ADGRV1: variants seen among roughly 807,000 people sequenced by gnomAD.
ADGRV1 encodes the protein G-protein coupled receptor 98.
In ADGRV1, 359 loss-of-function variants were observed where a neutral mutation model predicts 596.2. The observed-to-expected ratio is 0.60, with a 90% CI of 0.55 to 0.66. ADGRV1 has a LOEUF of 0.66. Ranked by LOEUF, ADGRV1 falls within the 30% of genes least tolerant of loss-of-function variation. ADGRV1 has a pLI of 0.00. For missense variants in ADGRV1, 7,274 were observed against 7,575.6 expected, an observed-to-expected ratio of 0.96 and a Z score of 1.48; for synonymous variants, 2,681 against 2,679.2, an observed-to-expected ratio of 1.00 and a Z score of -0.02.
Position 90,853,453 on chromosome 5 carries a change from T to A in ADGRV1, c.17374T>A (p.Cys5792Ser). Residue 5792 changes from cysteine to serine, a missense_variant, in exon 80 of 90, where the codon TGT becomes AGT. Cys to Ser is a moderately radical substitution (Grantham distance 112). This residue lies in a region of ADGRV1 where 1,874 missense variants were observed against 1,970.2 expected (regional missense o/e 0.95). Coordinates refer to ENST00000405460, the MANE Select transcript of ADGRV1 (RefSeq NM_032119.4). ...DAEIMAGKST[C>S]KLVQFTEYSS... Reference sequence around the variant, plus strand: ...AGAAATAATGGCTGGGAAAAGTACATGTAAATTAGTCCAGTTTACAGAGTA... The same window carrying A: ...AGAAATAATGGCTGGGAAAAGTACAAGTAAATTAGTCCAGTTTACAGAGTA... 2 of 1,613,326 alleles carry A rather than the reference T, an allele frequency of 1.2e-6. No individual in the cohort carries two copies. Among genetic ancestry groups the A allele is most frequent in the Admixed American group, 1.7e-5 (1 of 59,928 alleles).
chr5:90,655,378 A>G (rs924602486), intron 20 of ADGRV1: 1 of 152,188 alleles, frequency 6.6e-6, no homozygotes, highest in East Asian at 1.9e-4. Context: ...TAGATATTTC[A>G]TGCTCATTAC....
intron 83 of ADGRV1, among the ~76,000 whole-genome samples, chr5:90,894,298 C>A (rs191101967): frequency 1.3e-5 from 2 of 152,252 alleles, no homozygotes; most frequent in Non-Finnish European, 2.9e-5. Flanking sequence ...TGTTCATTTT[C>A]ATTATTATTT....
intron 87 of ADGRV1, among the ~76,000 whole-genome samples, chr5:91,135,345 A>C (rs577229746): frequency 6.6e-6 from 1 of 152,272 alleles, no homozygotes; most frequent in East Asian, 1.9e-4. Flanking sequence ...CACAGAATTC[A>C]GCTTTTGTTG....
chr5:91,006,098 A>C (rs544394614), intron 85 of ADGRV1, among the ~76,000 whole-genome samples: 1 of 152,292 alleles, frequency 6.6e-6, no homozygotes, highest in Admixed American at 6.5e-5. Flanking sequence ...GAGCCACAGG[A>C]TAGACATCGC....
intron 83 of ADGRV1, among the ~76,000 whole-genome samples, chr5:90,874,533 A>G (rs2150513687): frequency 6.6e-6 from 1 of 151,984 alleles, no homozygotes; most frequent in East Asian, 1.9e-4. Flanking sequence ...GCACTCATAA[A>G]AAGCTTTTTG....
At chr5:90,626,163 A>C (rs908365501) in intron 6 of ADGRV1, 1 of 152,176 alleles carries the variant, frequency 6.6e-6, no homozygotes, top group Admixed American at 6.5e-5. Context: ...CCCTCCTACA[A>C]AAATTCTGAA....
chr5:90,678,165 A>G (rs981934291), intron 25 of ADGRV1, among the ~76,000 whole-genome samples: 24 of 152,198 alleles, frequency 1.6e-4, no homozygotes, highest in Non-Finnish European at 2.1e-4. Flanking sequence ...TGTCTGGTAT[A>G]TTCCCATCCT....
At position 90,654,238 on chromosome 5, in the gene ADGRV1, TA is replaced by T. The variant is rs1580611106; in HGVS notation, c.4378+287del. 7.5e-6 allele frequency: 3 copies of T among 397,988 alleles called. No individual in the cohort carries two copies. In the East Asian group the frequency reaches 1.6e-4, roughly 21 times the overall value. The allele number at this position is 397,988 out of a possible 1,614,324, so 24.7% of individuals were successfully genotyped here. On this transcript the variant is annotated intron_variant, in intron 20 of 89. Coordinates refer to ENST00000405460, the MANE Select transcript of ADGRV1 (RefSeq NM_032119.4). ...CACCCTGTAGGAAGACAGAAAAAAA[TA>T]TGAAAGAGGAATGTTTGTCCTTCTG... is the stretch of plus-strand genomic sequence containing the variant.
At chr5:90,895,969 C>G (rs1247042744) in intron 83 of ADGRV1, among the ~76,000 whole-genome samples, 5 of 150,306 alleles carry the variant, frequency 3.3e-5, no homozygotes, top group Non-Finnish European at 5.9e-5. Flanking sequence ...AAGATGTGCT[C>G]TATTCTGTTT....
chr5:90,564,748 T>A (rs1324099543), intron 1 of ADGRV1, among the ~76,000 whole-genome samples: 24 of 86,598 alleles, frequency 2.8e-4, no homozygotes, highest in African/African-American at 1.5e-3. Flanking sequence ...TGCCTCAGCC[T>A]CCCGAGTAGC....
In ADGRV1 at chr5:90,791,261, C is replaced by T. The variant is rs201747452; in HGVS notation, c.14432C>T (p.Pro4811Leu). The T allele has an allele frequency of 2.8e-5, 45 of 1,609,590 alleles. No homozygotes were observed. The Middle Eastern group carries it at 6.6e-4, about 24-fold the overall frequency. ...LRISSDHKEQPIVTENAERQL... is the reference protein window; with the variant it reads ...LRISSDHKEQLIVTENAERQL... ...ATATCATCGGATCATAAAGAACAGC[C>T]GATTGTTACCGAAAATGCAGAGAGG... is the stretch of plus-strand genomic sequence containing the variant. The change falls in exon 70 of 90, where the codon CCG (proline) becomes CTG (leucine). Residue 4811 changes from proline to leucine, a missense_variant. Coordinates refer to ENST00000405460, the MANE Select transcript of ADGRV1 (RefSeq NM_032119.4).
rs188928493 is a variant in ADGRV1 at position 91,041,324 on chromosome 5, A to G, written c.18153-31123A>G. ...TGCAGCCATAAAAAAGGATGAGTTC[A>G]TGTCCTTTGCAGGGACATGGATGAA... On this transcript the variant is annotated intron_variant, in intron 85 of 89. Transcript: ENST00000405460. Among the ~76,000 whole-genome samples, 1,460 of 152,290 alleles carry G rather than the reference A, an allele frequency of 9.6e-3. 20 individuals are homozygous for G. The highest frequency in any genetic ancestry group is 0.033 in the African/African-American group (1,387 of 41,546).
At position 90,657,808 on chromosome 5, in the gene ADGRV1, T is replaced by C. The variant is rs191845360; in HGVS notation, c.4379-97T>C. On this transcript the variant is annotated intron_variant, in intron 20 of 89. Coordinates refer to ENST00000405460, the MANE Select transcript of ADGRV1 (RefSeq NM_032119.4). Reference sequence around the variant, plus strand: ...CAAAAGTTTCATTTATCCAAAAATATCTTTCAGTAAAATTGTCTTACTTTC... The same window carrying C: ...CAAAAGTTTCATTTATCCAAAAATACCTTTCAGTAAAATTGTCTTACTTTC... 1.4e-3 allele frequency: 1,786 copies of C among 1,289,346 alleles called. 4 individuals are homozygous for C. The highest frequency in any genetic ancestry group is 4.2e-3 in the Middle Eastern group (21 of 5,022). The allele number at this position is 1,289,346 out of a possible 1,614,324, so 79.9% of individuals were successfully genotyped here.
intron 85 of ADGRV1, among the ~76,000 whole-genome samples, chr5:91,040,826 A>G (rs1353102652): frequency 6.6e-6 from 1 of 152,214 alleles, no homozygotes; most frequent in African/African-American, 2.4e-5. Context: ...TATACTGAAT[A>G]CAAAGGACAA....
chr5:90,876,514 C>T (rs6861214), intron 83 of ADGRV1, among the ~76,000 whole-genome samples: 30,557 of 152,008 alleles, frequency 0.2, 5,140 homozygotes, highest in African/African-American at 0.45. Flanking sequence ...CAGTGTTTTA[C>T]CATTTATTGT....
intron 83 of ADGRV1, among the ~76,000 whole-genome samples, chr5:90,891,649 C>A (rs1218290791): frequency 6.6e-6 from 1 of 151,706 alleles, no homozygotes; most frequent in Non-Finnish European, 1.5e-5. Flanking sequence ...TGTTTTACTA[C>A]AAAATTAATT....
chr5:90,689,954 C>T lies in ADGRV1; in HGVS notation c.6584C>T (p.Pro2195Leu), dbSNP rs749829829. 1 of 1,611,826 alleles carries T rather than the reference C, an allele frequency of 6.2e-7. No homozygotes were observed. Among genetic ancestry groups the T allele is most frequent in the African/African-American group, 1.3e-5 (1 of 74,886 alleles). ...ATATATGTCATTAATGATATCTATC[C>T]TGAACTGGAAGAATCTTTTCTTGTG... ...VPIYVINDIY[P>L]ELEESFLVQL... The change falls in exon 30 of 90, where the codon CCT becomes CTT. Residue 2195 changes from proline to leucine, a missense_variant. Around this residue, in one of 5 missense-constraint regions of ADGRV1, gnomAD observed 3,643 missense variants for 3,809.2 expected, o/e 0.96. Transcript: ENST00000405460.
At chr5:90,690,227 T>C (rs1253758101) in intron 30 of ADGRV1, among the ~76,000 whole-genome samples, 151 bp downstream of exon 30, 1 of 152,230 alleles carries the variant, frequency 6.6e-6, no homozygotes, top group Non-Finnish European at 1.5e-5. Context: ...TACACAGTTA[T>C]TGGCAGTTGT....
chr5:91,079,867 A>G (rs181538860), intron 86 of ADGRV1, among the ~76,000 whole-genome samples: 6 of 152,208 alleles, frequency 3.9e-5, no homozygotes, highest in Admixed American at 2.0e-4. Flanking sequence ...TAGAGCATGG[A>G]TATGGGACGG....
Sources: gnomAD v4.1 joint callset for allele counts (sites outside exome capture counted in the v4.1 genomes callset) on GRCh38, gnomAD v4.1.1 for gene constraint, gnomAD v4.1.1 regional missense constraint, MANE v1.5 for transcripts, NCBI Gene and HGNC (gene_info 2026-07-23, HGNC 2026-07-21) for gene names.